The following NRXN1 variants were observed in gnomAD, a reference collection of about 807,000 sequenced individuals.
The protein encoded by NRXN1 is neurexin-1.
Under a neutral mutation model 150.9 loss-of-function variants are expected in NRXN1, and 39 were observed. The ratio of observed to expected loss-of-function variants is 0.26; its 90% CI spans 0.20 to 0.34. The LOEUF (loss-of-function observed/expected upper bound fraction) is 0.34, where lower values mean the gene tolerates loss of function less well. Ranked by LOEUF, NRXN1 falls within the 10% of genes least tolerant of loss-of-function variation. The pLI is 1.00. For synonymous variants in NRXN1, 924 were observed against 757.0 expected (o/e 1.22, Z -3.62); for missense variants, 1,815 against 1,949.9 (o/e 0.93, Z 1.30).
intron 17 of NRXN1, among the ~76,000 whole-genome samples, chr2:50,241,548 A>G (rs1246052520): frequency 6.6e-6 from 1 of 151,796 alleles, no homozygotes; most frequent in East Asian, 1.9e-4. Context: ...GGTTTTCAGC[A>G]ATCTCCACAT....
rs538809525 is a variant in NRXN1, at chr2:50,962,228, G to C, written c.773-36273C>G. 3.6e-4 allele frequency among the ~76,000 whole-genome samples: 54 copies of C among 151,740 alleles called. 1 individual carries two copies. The highest frequency in any genetic ancestry group is 2.4e-4 in the Non-Finnish European group (16 of 67,732). On this transcript the variant is annotated intron_variant, in intron 2 of 22. Coordinates refer to ENST00000401669, the MANE Select transcript of NRXN1 (RefSeq NM_001330078.2). ...GTTCCACAATTGAGATGTTCCTGCA[G>C]TTAATATTAACAAAAGGCGCCTCTC...
At chr2:50,517,087 A>G (rs570206110) in intron 12 of NRXN1, among the ~76,000 whole-genome samples, 64 of 152,300 alleles carry the variant, frequency 4.2e-4, no homozygotes, top group Non-Finnish European at 7.1e-4. Flanking sequence ...TACTTTCTGC[A>G]TGCCTCAGTA....
chr2:51,027,473 G>GC, intron 2 of NRXN1, 29 bp downstream of exon 2: 2 of 1,486,898 alleles, frequency 1.3e-6, no homozygotes, highest in Non-Finnish European at 1.8e-6. Context: ...CCAGGCCCCG[G>GC]CCCCCGTGGG....
At chr2:50,142,416 T>C (rs558755674) in intron 18 of NRXN1, among the ~76,000 whole-genome samples, 3 of 151,994 alleles carry the variant, frequency 2.0e-5, no homozygotes, top group East Asian at 3.9e-4. Flanking sequence ...GTGACTATAG[T>C]TAATAAAATT....
At chr2:50,045,292 T>C (rs1292712153) in intron 21 of NRXN1, among the ~76,000 whole-genome samples, 3 of 152,208 alleles carry the variant, frequency 2.0e-5, no homozygotes, top group Middle Eastern at 3.2e-3. Flanking sequence ...ACATATATCA[T>C]GAAGGAGAAT....
At chr2:50,649,808 TAC>T (rs566657846) in intron 5 of NRXN1, among the ~76,000 whole-genome samples, 121 of 152,128 alleles carry the variant, frequency 8.0e-4, no homozygotes, top group African/African-American at 2.7e-3. Context: ...TGGGACATGA[TAC>T]AGAGTTCAAT....
chr2:50,411,829 T>C (rs891800114), intron 17 of NRXN1, among the ~76,000 whole-genome samples: 2 of 152,208 alleles, frequency 1.3e-5, no homozygotes, highest in Non-Finnish European at 2.9e-5. Context: ...CAACAGCTCA[T>C]TGAGAACGGG....
intron 18 of NRXN1, chr2:50,199,380 T>C (rs1318241279): frequency 6.6e-6 from 1 of 152,136 alleles, no homozygotes; most frequent in Non-Finnish European, 1.5e-5. Context: ...AGAAATATAC[T>C]GTTTTTGGAA....
chr2:50,254,403 T>C (rs2067489349), intron 17 of NRXN1, among the ~76,000 whole-genome samples: 1 of 151,920 alleles, frequency 6.6e-6, no homozygotes, highest in African/African-American at 2.4e-5. Flanking sequence ...TTTTTTTGTG[T>C]CTTTAGCTCC....
At chr2:50,147,556 T>G (rs1296464590) in intron 18 of NRXN1, among the ~76,000 whole-genome samples, 1 of 151,656 alleles carries the variant, frequency 6.6e-6, no homozygotes, top group East Asian at 1.9e-4. Context: ...GGTGATTCTT[T>G]GAGATGTTAT....
chr2:50,731,939 G>A (rs1220806520), intron 5 of NRXN1, among the ~76,000 whole-genome samples: 4 of 152,106 alleles, frequency 2.6e-5, no homozygotes, highest in Non-Finnish European at 5.9e-5. Context: ...TACTGTCAGA[G>A]AAAAGGCAAA....
intron 18 of NRXN1, among the ~76,000 whole-genome samples, chr2:50,148,061 T>C (rs571454861): frequency 2.8e-4 from 42 of 151,870 alleles, no homozygotes; most frequent in African/African-American, 1.0e-3. Flanking sequence ...GACTGTCAGA[T>C]GCTTCTATTC....
intron 17 of NRXN1, among the ~76,000 whole-genome samples, chr2:50,313,750 C>T (rs2075365010): frequency 6.6e-6 from 1 of 151,918 alleles, no homozygotes. Context: ...ATCAGGATTG[C>T]TAGGATATTT....
intron 2 of NRXN1, among the ~76,000 whole-genome samples, chr2:50,946,595 G>A (rs771817205): frequency 6.6e-6 from 1 of 151,948 alleles, no homozygotes; most frequent in African/African-American, 2.4e-5. Context: ...ACTCATTTAG[G>A]TATTTACTTA....
intron 13 of NRXN1, among the ~76,000 whole-genome samples, chr2:50,504,874 A>G (rs2092139737): frequency 6.6e-6 from 1 of 152,204 alleles, no homozygotes; most frequent in Non-Finnish European, 1.5e-5. Flanking sequence ...AAATTATTCT[A>G]GCCCCACCAG....
intron 17 of NRXN1, among the ~76,000 whole-genome samples, chr2:50,237,944 AGT>A (rs982020714): frequency 6.6e-6 from 1 of 151,892 alleles, no homozygotes; most frequent in African/African-American, 2.4e-5. Context: ...TGGTTTTATA[AGT>A]GTTTGACATT....
chr2:50,450,873 C>A (rs192862223), intron 17 of NRXN1, among the ~76,000 whole-genome samples: 21 of 152,146 alleles, frequency 1.4e-4, no homozygotes, highest in Non-Finnish European at 2.4e-4. Flanking sequence ...GGAGAGATAA[C>A]CTCATGAAAA....
chr2:50,161,371 C>T (rs767944201), intron 18 of NRXN1, among the ~76,000 whole-genome samples: 5 of 152,154 alleles, frequency 3.3e-5, no homozygotes, highest in Non-Finnish European at 7.3e-5. Flanking sequence ...TCCAAACTAA[C>T]ACATGCTTCT....
chr2:50,559,953 A>G (rs1312942255), intron 8 of NRXN1, among the ~76,000 whole-genome samples: 1 of 152,194 alleles, frequency 6.6e-6, no homozygotes, highest in African/African-American at 2.4e-5. Context: ...GGTGCTTTCC[A>G]CAAAAAACAA....
Sources: allele counts gnomAD v4.1 joint callset (sites outside exome capture counted in the v4.1 genomes callset), GRCh38; gene constraint gnomAD v4.1.1; transcripts MANE v1.5; gene names NCBI Gene and HGNC (gene_info 2026-07-23, HGNC 2026-07-21).